The following CPAMD8 variants were observed in gnomAD, a reference collection of about 807,000 sequenced individuals.
The protein encoded by CPAMD8 is C3 and PZP like alpha-2-macroglobulin domain containing 8.
In CPAMD8, 146 loss-of-function variants were observed where a neutral mutation model predicts 224.7. The ratio of observed to expected loss-of-function variants is 0.65; its 90% CI spans 0.57 to 0.75. The LOEUF is 0.75. Among genes scored for constraint, CPAMD8 ranks in the 30% least tolerant of loss-of-function variants. The pLI is 0.00. For synonymous variants in CPAMD8, 966 were observed against 1,044.6 expected (o/e 0.92, Z 1.45); for missense variants, 2,301 against 2,537.5 (o/e 0.91, Z 2.00).
At chr19:16,955,002 G>T (rs2054421574) in intron 19 of CPAMD8, among the ~76,000 whole-genome samples, 1 of 152,116 alleles carries the variant, frequency 6.6e-6, no homozygotes, top group East Asian at 1.9e-4. Flanking sequence ...GTGGTGGGCG[G>T]CTGTGGTCCC....
chr19:16,931,946 A>G (rs957677384), intron 23 of CPAMD8, among the ~76,000 whole-genome samples: 9 of 152,218 alleles, frequency 5.9e-5, no homozygotes, highest in African/African-American at 2.2e-4. Flanking sequence ...GTCTTCCTCT[A>G]TGAAAGCAAA....
intron 3 of CPAMD8, among the ~76,000 whole-genome samples, chr19:17,017,406 C>T (rs1287497121): frequency 1.3e-5 from 2 of 152,140 alleles, no homozygotes; most frequent in Non-Finnish European, 2.9e-5. Context: ...TCTTCTGCTC[C>T]CTGGTCCGTG....
At position 16,896,662 on chromosome 19, in the gene CPAMD8, C is replaced by A. The variant is rs1031090651; in HGVS notation, c.5069G>T (p.Trp1690Leu). The part of the protein sequence containing the change: ...VERAPARGPG[W>L]FPGESGPAVA... ...GGCAGGGCCCGACTCGCCGGGGAAC[C>A]AGCCTGGGGGACGAGGCAGGCTCGA... Residue 1690 changes from tryptophan to leucine, a missense_variant, in exon 40 of 42, where the codon TGG becomes TTG. By Grantham distance (61) the Trp-to-Leu change is moderately conservative. Around this residue, in one of 4 missense-constraint regions of CPAMD8, gnomAD observed 1,709 missense variants for 1,753.2 expected, o/e 0.97. Transcript: ENST00000443236. The A allele has an allele frequency of 2.1e-6, 3 of 1,458,530 alleles. No homozygotes were observed. Among genetic ancestry groups the A allele is most frequent in the African/African-American group, 1.4e-5 (1 of 69,226 alleles). 90.3% of individuals were successfully genotyped at this position (1,458,530 alleles called of 1,614,324 possible). A position where few individuals can be genotyped will look rare whatever the true frequency, so the allele number is the denominator to read the frequency against.
chr19:16,987,963 C>A (rs897842638), intron 13 of CPAMD8, among the ~76,000 whole-genome samples: 35 of 152,020 alleles, frequency 2.3e-4, no homozygotes, highest in African/African-American at 8.5e-4. Context: ...CACGCCCGGT[C>A]GGGAACTCTA....
At chr19:16,915,643 G>A (rs1388030656) in intron 27 of CPAMD8, among the ~76,000 whole-genome samples, 1 of 152,204 alleles carries the variant, frequency 6.6e-6, no homozygotes, top group Non-Finnish European at 1.5e-5. Context: ...ATGAACAAAT[G>A]AAGGAGAGAA....
At chr19:17,016,498 C>T (rs899423974) in intron 3 of CPAMD8, among the ~76,000 whole-genome samples, 32 of 152,320 alleles carry the variant, frequency 2.1e-4, no homozygotes, top group Admixed American at 1.2e-3. Context: ...CAGTGGCTCA[C>T]ACCTGTAATG....
At chr19:17,011,383 G>T in intron 5 of CPAMD8, 81 bp downstream of exon 5, 1 of 1,431,562 alleles carries the variant, frequency 7.0e-7, no homozygotes, top group Non-Finnish European at 9.8e-7. Context: ...TGGAGAGAAA[G>T]ACCCGTTTCC....
intron 19 of CPAMD8, among the ~76,000 whole-genome samples, chr19:16,956,948 G>A (rs1473882910): frequency 1.3e-5 from 2 of 151,954 alleles, no homozygotes; most frequent in African/African-American, 4.8e-5. Flanking sequence ...TTACAGGCAT[G>A]AGCTACCATG....
chr19:16,896,945 C>T (rs1403181758), intron 39 of CPAMD8: 2 of 325,720 alleles, frequency 6.1e-6, no homozygotes, highest in Non-Finnish European at 1.1e-5. Context: ...CAACAACAGC[C>T]CCGTCCCCTG....
At chr19:16,937,265 G>A (rs1368049411) in intron 23 of CPAMD8, among the ~76,000 whole-genome samples, 1 of 151,994 alleles carries the variant, frequency 6.6e-6, no homozygotes, top group Non-Finnish European at 1.5e-5. Flanking sequence ...CTCCCAAGTA[G>A]CTGGGACTAC....
intron 29 of CPAMD8, among the ~76,000 whole-genome samples, chr19:16,912,761 A>C (rs919694867): frequency 3.3e-5 from 5 of 152,136 alleles, no homozygotes; most frequent in African/African-American, 1.2e-4. Context: ...CTGAAAAAAA[A>C]AAGTCTCACC....
At chr19:16,941,844 G>A (rs1332776115) in intron 22 of CPAMD8, among the ~76,000 whole-genome samples, 1 of 152,058 alleles carries the variant, frequency 6.6e-6, no homozygotes, top group Non-Finnish European at 1.5e-5. Context: ...ATGGTGGCAG[G>A]TGCCTGCAAT....
chr19:17,017,030 G>A (rs2056831186), intron 3 of CPAMD8, among the ~76,000 whole-genome samples: 1 of 152,116 alleles, frequency 6.6e-6, no homozygotes, highest in South Asian at 2.1e-4. Flanking sequence ...AGCAGTGGGT[G>A]AGCAAATGAA....
chr19:16,980,888 T>C (rs2055490003), intron 13 of CPAMD8, among the ~76,000 whole-genome samples: 1 of 152,138 alleles, frequency 6.6e-6, no homozygotes, highest in Non-Finnish European at 1.5e-5. Flanking sequence ...CAGGCTGGCA[T>C]GCGATGGTGA....
intron 6 of CPAMD8, 159 bp from the exon 7 acceptor site, chr19:17,008,718 G>T: frequency 1.2e-6 from 1 of 813,148 alleles, no homozygotes. Flanking sequence ...AAAAAGCTCT[G>T]GATAGAGAAG....
chr19:17,018,920 G>GCA (rs2056883042), intron 3 of CPAMD8, among the ~76,000 whole-genome samples: 1 of 140,574 alleles, frequency 7.1e-6, no homozygotes, highest in African/African-American at 2.6e-5. Context: ...AAAAAAAAAA[G>GCA]AAAAAAAAAA....
chr19:17,023,763 G>A (rs1380067479), intron 1 of CPAMD8, among the ~76,000 whole-genome samples: 3 of 151,822 alleles, frequency 2.0e-5, no homozygotes, highest in Non-Finnish European at 4.4e-5. Flanking sequence ...TGTATTTTTG[G>A]TAGAGACTGG....
At chr19:16,992,246 G>A (rs114462565) in intron 12 of CPAMD8, among the ~76,000 whole-genome samples, 2,613 of 152,094 alleles carry the variant, frequency 0.017, 64 homozygotes, top group African/African-American at 0.058. Context: ...GCCTGGGCCC[G>A]CCCTGAACCA....
intron 7 of CPAMD8, 57 bp from the exon 8 acceptor site, chr19:17,004,443 C>T (rs961162489): frequency 2.3e-5 from 27 of 1,156,964 alleles, no homozygotes; most frequent in South Asian, 3.7e-5. Flanking sequence ...CGGTGAGGTA[C>T]GGGAAGAGGG....
Sources: gnomAD v4.1 joint callset for allele counts (sites outside exome capture counted in the v4.1 genomes callset) on GRCh38, gnomAD v4.1.1 for gene constraint, gnomAD v4.1.1 regional missense constraint, MANE v1.5 for transcripts, NCBI Gene and HGNC (gene_info 2026-07-23, HGNC 2026-07-21) for gene names.